Variants in CUEDC1 observed in about 807,000 individuals in gnomAD.
CUEDC1 encodes CUE domain-containing protein 1.
Under a neutral mutation model 43.7 loss-of-function variants are expected in CUEDC1, and 30 were observed. The ratio of observed to expected loss-of-function variants is 0.69; its 90% confidence interval spans 0.51 to 0.93. The LOEUF (loss-of-function observed/expected upper bound fraction) is 0.93, where lower values mean the gene tolerates loss of function less well. Ranked by LOEUF, CUEDC1 falls within the 40% of genes least tolerant of loss-of-function variation. CUEDC1 has a pLI of 0.00. For synonymous variants in CUEDC1, 223 were observed against 223.6 expected, an observed-to-expected ratio of 1.00 and a Z score of 0.02; for missense variants, 486 against 549.0, an observed-to-expected ratio of 0.89 and a Z score of 1.15.
At chr17:57,917,985 C>G (rs1427830625) in intron 1 of CUEDC1, among the ~76,000 whole-genome samples, 1 of 151,644 alleles carries the variant, frequency 6.6e-6, no homozygotes, top group African/African-American at 2.4e-5. Context: ...ACCCCCTCAA[C>G]AAGGTGGCAT....
At chr17:57,911,749 CGCCCTCTTCTGCCTCCCAAACT>C (rs1314858055) in intron 1 of CUEDC1, among the ~76,000 whole-genome samples, 4 of 152,162 alleles carry the variant, frequency 2.6e-5, no homozygotes, top group Admixed American at 1.3e-4. Context: ...TCAAGTGATC[CGCCCTCTTCTGCCTCCCAAACT>C]GCTGGGATTA....
At chr17:57,944,633 G>A (rs1349598933) in intron 1 of CUEDC1, among the ~76,000 whole-genome samples, 1 of 152,172 alleles carries the variant, frequency 6.6e-6, no homozygotes, top group African/African-American at 2.4e-5. Context: ...TTAGCCTCAA[G>A]AAAACTATAA....
chr17:57,909,416 G>C (rs547243368), intron 1 of CUEDC1, among the ~76,000 whole-genome samples: 2 of 152,374 alleles, frequency 1.3e-5, no homozygotes, highest in South Asian at 4.1e-4. Flanking sequence ...CATAAGCCCT[G>C]ATTCACTATA....
chr17:57,936,149 C>T (rs751645190), intron 1 of CUEDC1, among the ~76,000 whole-genome samples: 5 of 152,216 alleles, frequency 3.3e-5, no homozygotes, highest in Non-Finnish European at 7.3e-5. Flanking sequence ...ATCTGTCAGG[C>T]CCTGTGGGCT....
At chr17:57,896,487 G>GGGGGGGGGGGGTGT (rs375270781) in intron 1 of CUEDC1, among the ~76,000 whole-genome samples, 1 of 130,282 alleles carries the variant, frequency 7.7e-6, no homozygotes, top group Non-Finnish European at 1.6e-5. Flanking sequence ...TGCATTATGG[G>GGGGGGGGGGGGTGT]GTGTGTGTGT....
chr17:57,870,601 C>T (rs1013637318), intron 6 of CUEDC1, among the ~76,000 whole-genome samples: 1 of 152,084 alleles, frequency 6.6e-6, no homozygotes, highest in Non-Finnish European at 1.5e-5. Context: ...CTTACAAGAC[C>T]ATAAGCTTCC....
intron 3 of CUEDC1, among the ~76,000 whole-genome samples, chr17:57,877,331 A>G (rs2074139707): frequency 6.6e-6 from 1 of 152,194 alleles, no homozygotes; most frequent in Non-Finnish European, 1.5e-5. Flanking sequence ...TCCATACCAC[A>G]TTTATACTGG....
rs778679627 is a variant in CUEDC1 at position 57,866,475 on chromosome 17, TCTTA to T, written c.1159_*1del. 1 of 1,614,028 alleles carries T rather than the reference TCTTA, an allele frequency of 6.2e-7. No homozygotes were observed. The highest frequency in any genetic ancestry group is 1.1e-5 in the South Asian group (1 of 91,080). On this transcript the variant is annotated stop_lost and splice_region_variant and 3_prime_UTR_variant, in exon 10 of 11. Coordinates refer to ENST00000577830, the MANE Select transcript of CUEDC1 (RefSeq NM_001271875.2). ...GGTTGCTATGGCTCCAGGCCTTACC[TCTTA>T]CTGTCCTTCTCGCAGGCCTTCCTCC...
intron 1 of CUEDC1, among the ~76,000 whole-genome samples, chr17:57,937,262 A>G (rs1039400146): frequency 2.0e-5 from 3 of 152,180 alleles, no homozygotes; most frequent in Admixed American, 6.5e-5. Context: ...CAAAGCAGGT[A>G]CTATGGATAT....
At chr17:57,895,532 G>A (rs1279440335) in intron 1 of CUEDC1, among the ~76,000 whole-genome samples, 2 of 152,200 alleles carry the variant, frequency 1.3e-5, no homozygotes, top group Non-Finnish European at 2.9e-5. Flanking sequence ...AAGTTGTCAA[G>A]TTGCCTGAGC....
intron 2 of CUEDC1, among the ~76,000 whole-genome samples, chr17:57,883,014 G>T (rs573848346): frequency 2.8e-4 from 43 of 152,236 alleles, no homozygotes; most frequent in African/African-American, 1.0e-3. Flanking sequence ...ATTGTTCAAT[G>T]GTCAACTGTA....
chr17:57,863,663 A>G (rs1397071593), intron 10 of CUEDC1, among the ~76,000 whole-genome samples: 3 of 152,176 alleles, frequency 2.0e-5, no homozygotes, highest in African/African-American at 7.2e-5. Context: ...CTGGGGGCAG[A>G]ACTTGGTAGG....
Position 57,872,863 on chromosome 17 carries a change from G to A in CUEDC1, c.592-8C>T, listed in dbSNP as rs777237007. On this transcript the variant is annotated splice_region_variant and splice_polypyrimidine_tract_variant and intron_variant, in intron 4 of 10. Transcript: ENST00000577830. ...GGGGCCCCCAGCGTTACCCTGAGGA[G>A]GGAAGCGAGCATGTTGAATGTGTAC... 1.2e-6 allele frequency: 2 copies of A among 1,608,354 alleles called. No individual in the cohort carries two copies. Among genetic ancestry groups the A allele is most frequent in the Non-Finnish European group, 1.7e-6 (2 of 1,178,096 alleles).
In CUEDC1 at chr17:57,866,548, A is replaced by T. The variant is rs746671964; in HGVS notation, c.1094-4T>A. The T allele has an allele frequency of 4.5e-5, 73 of 1,613,890 alleles. No homozygotes were observed. The highest frequency in any genetic ancestry group is 5.9e-5 in the Non-Finnish European group (70 of 1,179,934). On this transcript the variant is annotated splice_region_variant and splice_polypyrimidine_tract_variant and intron_variant, in intron 9 of 10. Coordinates refer to ENST00000577830, the MANE Select transcript of CUEDC1 (RefSeq NM_001271875.2). The stretch of plus-strand genomic sequence containing the variant: ...CGCCTGCCCCGGAAGTCTTCATCTG[A>T]AAAGGAGAGGGAAGCTGCCTCATCC...
At chr17:57,919,884 G>A (rs2074682542) in intron 1 of CUEDC1, among the ~76,000 whole-genome samples, 1 of 152,162 alleles carries the variant, frequency 6.6e-6, no homozygotes, top group South Asian at 2.1e-4. Flanking sequence ...CCCAGTAATA[G>A]CCAACCAGCA....
intron 5 of CUEDC1, 45 bp from the exon 6 acceptor site, chr17:57,871,414 G>T: frequency 6.6e-7 from 1 of 1,516,702 alleles, no homozygotes. Flanking sequence ...TAGCTCCTGG[G>T]CTCCCAGGGG....
chr17:57,900,981 C>T (rs2074465412), intron 1 of CUEDC1, among the ~76,000 whole-genome samples: 1 of 152,140 alleles, frequency 6.6e-6, no homozygotes, highest in South Asian at 2.1e-4. Context: ...TGCTAAGAAC[C>T]CATATTCTCT....
At position 57,861,270 on chromosome 17, in the gene CUEDC1, A is replaced by AAAC. The variant is rs1190917681; in HGVS notation, c.*2018_*2019insGTT. ...CCTTTAATCCAGAAGCTGTTTATTT[A>AAAC]GGGAGGTGGCCGTCTGGAGCTTTCT... is the stretch of plus-strand genomic sequence containing the variant. On this transcript the variant is annotated 3_prime_UTR_variant, in exon 11 of 11. Coordinates refer to ENST00000577830, the MANE Select transcript of CUEDC1 (RefSeq NM_001271875.2). 1.3e-5 allele frequency: 2 copies of AAAC among 152,278 alleles called. No individual in the cohort carries two copies. Among genetic ancestry groups the AAAC allele is most frequent in the African/African-American group, 4.8e-5 (2 of 41,454 alleles). The allele number at this position is 152,278 out of a possible 1,614,324, so 9.4% of individuals were successfully genotyped here.
rs144091133 is a variant in CUEDC1 at position 57,919,824 on chromosome 17, CGAG to C, written c.-315-33948_-315-33946del. Among the ~76,000 whole-genome samples, 757 of 152,202 alleles carry C rather than the reference CGAG, an allele frequency of 5.0e-3. 14 individuals carry two copies. In the East Asian group the frequency reaches 0.069, roughly 14 times the overall value. ...CAAGATATATTCAAAATCCTGATGA[CGAG>C]GAGGACATTAAATGAACAAGGTAAA... On this transcript the variant is annotated intron_variant, in intron 1 of 10. Coordinates refer to ENST00000577830, the MANE Select transcript of CUEDC1 (RefSeq NM_001271875.2).
Sources: allele counts gnomAD v4.1 joint callset (sites outside exome capture counted in the v4.1 genomes callset), GRCh38; gene constraint gnomAD v4.1.1; transcripts MANE v1.5; gene names NCBI Gene and HGNC (gene_info 2026-07-23, HGNC 2026-07-21).